The following ALPK1 variants were observed in gnomAD, a reference collection of about 807,000 sequenced individuals.
ALPK1 encodes the protein alpha-protein kinase 1.
A neutral mutation model predicts 120.6 loss-of-function variants in ALPK1; 110 were observed. The observed-to-expected ratio is 0.91, with a 90% confidence interval of 0.78 to 1.07. The LOEUF (loss-of-function observed/expected upper bound fraction) is 1.07, where lower values mean the gene tolerates loss of function less well. ALPK1 is among the 50% of genes least tolerant of loss of function. The pLI is 0.00. For missense variants in ALPK1, 1,498 were observed against 1,483.9 expected (o/e 1.01, Z -0.16); for synonymous variants, 582 against 560.3 (o/e 1.04, Z -0.55).
rs111736693 is a variant in ALPK1 at position 112,298,924 on chromosome 4, A to G, written c.-153+1455A>G. On this transcript the variant is annotated intron_variant, in intron 1 of 15. Coordinates refer to ENST00000650871, the MANE Select transcript of ALPK1 (RefSeq NM_025144.4). ...TGAACACAAGGCATGAATTGCTTTT[A>G]TTATTCTCTAATCTATTGCAGAGAA... Among the ~76,000 whole-genome samples, 570 of 152,258 alleles carry G rather than the reference A, an allele frequency of 3.7e-3. 6 individuals are homozygous for G. The highest frequency in any genetic ancestry group is 0.013 in the African/African-American group (539 of 41,566).
At chr4:112,380,909 G>A (rs1195912901) in intron 3 of ALPK1, among the ~76,000 whole-genome samples, 1 of 152,196 alleles carries the variant, frequency 6.6e-6, no homozygotes, top group African/African-American at 2.4e-5. Flanking sequence ...GTTTGGAAGT[G>A]CTCAGAGCAG....
In ALPK1 at chr4:112,329,168, A is replaced by C. The variant is rs1324225694; in HGVS notation, c.-101+13316A>C. ...AATATACATGCTTGGGAAGAACAAG[A>C]AGGCAGGAAGGAGGAAAAATCAGTT... On this transcript the variant is annotated intron_variant, in intron 2 of 15. Transcript: ENST00000650871. Among the ~76,000 whole-genome samples the C allele has an allele frequency of 5.3e-5, 8 of 152,220 alleles. No homozygotes were observed. The South Asian group carries it at 1.7e-3, about 32-fold the overall frequency.
At position 112,427,626 on chromosome 4, in the gene ALPK1, C is replaced by T. The variant is rs777786049; in HGVS notation, c.756C>T (p.Asn252=). The stretch of plus-strand genomic sequence containing the variant: ...ACATCTTTGTTTCCATGAGCAAGAA[C>T]GATTATGAAAAGTTTAAAAACAATC... The part of the protein sequence containing the change: ...LADIFVSMSK[N]DYEKFKNNPQ... Residue 252 remains asparagine (N), a synonymous_variant, in exon 9 of 16, where the codon AAC becomes AAT. Coordinates refer to ENST00000650871, the MANE Select transcript of ALPK1 (RefSeq NM_025144.4). 8.6e-5 allele frequency: 139 copies of T among 1,613,772 alleles called. No homozygotes were observed. The highest frequency in any genetic ancestry group is 9.8e-5 in the Non-Finnish European group (116 of 1,179,894).
rs144715195 is a variant in ALPK1 at position 112,431,233 on chromosome 4, C to T, written c.1686C>T (p.Tyr562=). ...AGACTGAGACTGAGCCATCGGACTA[C>T]AGCAATGGTGAGGGAGCTGTTTTCA... ...DVETETEPSD[Y]SNGEGAVFNK... is the part of the protein sequence containing the mutation. The change falls in exon 11 of 16, where the codon TAC becomes TAT. Residue 562 remains tyrosine (Y), a synonymous_variant. Coordinates refer to ENST00000650871, the MANE Select transcript of ALPK1 (RefSeq NM_025144.4). 3.8e-5 allele frequency: 62 copies of T among 1,614,072 alleles called. No individual in the cohort carries two copies. In the African/African-American group the frequency reaches 8.0e-4, roughly 21 times the overall value.
chr4:112,376,394 G>A (rs1008822754), intron 2 of ALPK1, among the ~76,000 whole-genome samples: 1 of 152,086 alleles, frequency 6.6e-6, no homozygotes, highest in African/African-American at 2.4e-5. Context: ...ATGTATGTGT[G>A]TAATGTGTGT....
chr4:112,409,284 G>A (rs1003331399), intron 4 of ALPK1, among the ~76,000 whole-genome samples: 1 of 152,100 alleles, frequency 6.6e-6, no homozygotes, highest in Non-Finnish European at 1.5e-5. Context: ...GACAGGGGCT[G>A]TGGGCACAGC....
At chr4:112,435,739 G>A (rs1734762464) in intron 12 of ALPK1, among the ~76,000 whole-genome samples, 1 of 152,260 alleles carries the variant, frequency 6.6e-6, no homozygotes, top group African/African-American at 2.4e-5. Context: ...GGATATAAGT[G>A]ATTGCTGAAC....
At chr4:112,423,808 TA>T in intron 5 of ALPK1, 135 bp from the exon 6 acceptor site, 2 of 833,020 alleles carry the variant, frequency 2.4e-6, no homozygotes, top group Non-Finnish European at 4.0e-6. Context: ...TTGTTGATTT[TA>T]AATTATAAAA....
chr4:112,435,201 ACTATTGT>A lies in ALPK1; in HGVS notation c.3094_3100del (p.Val1032TrpfsTer5), dbSNP rs778263117. On this transcript the variant is annotated frameshift_variant, in exon 12 of 16. Coordinates refer to ENST00000650871, the MANE Select transcript of ALPK1 (RefSeq NM_025144.4). LOFTEE classifies it high-confidence loss of function. ...ATCTGAACTGTGGACGGCCCAGGAA[ACTATTGT>A]CTATTTGGGGGACTACTTGACTGTG... 6.8e-6 allele frequency: 11 copies of A among 1,613,386 alleles called. No individual in the cohort carries two copies. In the Admixed American group the frequency reaches 1.7e-4, roughly 25 times the overall value.
intron 2 of ALPK1, among the ~76,000 whole-genome samples, chr4:112,319,177 C>A (rs1728759059): frequency 6.6e-6 from 1 of 152,100 alleles, no homozygotes; most frequent in East Asian, 1.9e-4. Context: ...AAGCAGGCAG[C>A]AAGAAGAGAG....
At chr4:112,337,298 A>G (rs1560642669) in intron 2 of ALPK1, among the ~76,000 whole-genome samples, 1 of 152,182 alleles carries the variant, frequency 6.6e-6, no homozygotes, top group African/African-American at 2.4e-5. Context: ...ATTATTAAAG[A>G]TTATAAAGCT....
At chr4:112,328,067 A>G (rs1729194870) in intron 2 of ALPK1, among the ~76,000 whole-genome samples, 1 of 152,230 alleles carries the variant, frequency 6.6e-6, no homozygotes, top group African/African-American at 2.4e-5. Flanking sequence ...GCGAACTTGG[A>G]TAGGGGGAAT....
intron 2 of ALPK1, among the ~76,000 whole-genome samples, chr4:112,320,899 T>TTC (rs1430469044): frequency 2.1e-5 from 3 of 145,528 alleles, no homozygotes; most frequent in East Asian, 2.0e-4. Context: ...ATTTCTTTCT[T>TTC]TTTTTTTTTT....
At chr4:112,413,970 A>G (rs1733611300) in intron 5 of ALPK1, among the ~76,000 whole-genome samples, 1 of 152,210 alleles carries the variant, frequency 6.6e-6, no homozygotes. Flanking sequence ...ATATAACCTC[A>G]GAGTTAAGTC....
At chr4:112,351,483 CA>C (rs1730352421) in intron 2 of ALPK1, among the ~76,000 whole-genome samples, 1 of 131,790 alleles carries the variant, frequency 7.6e-6, no homozygotes, top group Non-Finnish European at 1.6e-5. Context: ...TCTTTTTTTT[CA>C]TTTTTTTTTT....
Position 112,411,916 on chromosome 4 carries a change from C to T in ALPK1, c.366C>T (p.Asp122=). ...TGGACCGGTTCCTGTATGGGCTCGA[C>T]GTCTCTGGAAAACTTCTGCAGGTCG... ...FLVDRFLYGL[D]VSGKLLQVAK... Residue 122 remains aspartate (D), a synonymous_variant, in exon 5 of 16, where the codon GAC becomes GAT. Coordinates refer to ENST00000650871, the MANE Select transcript of ALPK1 (RefSeq NM_025144.4). 1.9e-6 allele frequency: 3 copies of T among 1,614,124 alleles called. No homozygotes were observed. The South Asian group carries it at 3.3e-5, about 18-fold the overall frequency.
intron 2 of ALPK1, among the ~76,000 whole-genome samples, chr4:112,362,917 T>C (rs1730975983): frequency 6.6e-6 from 1 of 152,216 alleles, no homozygotes; most frequent in South Asian, 2.1e-4. Flanking sequence ...CTAGAAGGGA[T>C]TGGAGTCCTA....
chr4:112,309,345 G>A (rs1331898061), intron 1 of ALPK1, among the ~76,000 whole-genome samples: 1 of 152,196 alleles, frequency 6.6e-6, no homozygotes, highest in Non-Finnish European at 1.5e-5. Context: ...TGCCCCCAGA[G>A]GTAGAGTCTG....
At chr4:112,435,017 A>C (rs1734727815) in intron 11 of ALPK1, 131 bp from the exon 12 acceptor site, 1 of 860,410 alleles carries the variant, frequency 1.2e-6, no homozygotes, top group Non-Finnish European at 1.8e-6. Context: ...AGAGATGAAA[A>C]TTAGAGAAAA....
Sources: gnomAD v4.1 joint callset for allele counts (sites outside exome capture counted in the v4.1 genomes callset) on GRCh38, gnomAD v4.1.1 for gene constraint, MANE v1.5 for transcripts, NCBI Gene and HGNC (gene_info 2026-07-23, HGNC 2026-07-21) for gene names.